ARL5B: variants seen among roughly 807,000 people sequenced by gnomAD.
ARL5B encodes the protein ARF like GTPase 5B.
In ARL5B, 10 loss-of-function variants were observed where a neutral mutation model predicts 26.9. The ratio of observed to expected loss-of-function variants is 0.37; its 90% CI spans 0.23 to 0.63. ARL5B has a LOEUF of 0.63. Ranked by LOEUF, ARL5B falls within the 30% of genes least tolerant of loss-of-function variation. The pLI, the probability that ARL5B is intolerant of heterozygous loss-of-function variation, is 0.62. For synonymous variants in ARL5B, 87 were observed against 70.4 expected, an observed-to-expected ratio of 1.24 and a Z score of -1.18; for missense variants, 167 against 213.9, an observed-to-expected ratio of 0.78 and a Z score of 1.37.
In ARL5B at chr10:18,680,064, C is replaced by T. The variant is rs553025335; in HGVS notation, c.*4848C>T. The stretch of plus-strand genomic sequence containing the variant: ...TGGAAATGGAGAAATATGAAATGTG[C>T]TGTGCATAGCTTTTGGAATAGAAAA... On this transcript the variant is annotated 3_prime_UTR_variant, in exon 6 of 6. Transcript: ENST00000377275. The T allele has an allele frequency of 7.9e-5, 12 of 151,952 alleles. No homozygotes were observed. In the South Asian group the frequency reaches 8.3e-4, roughly 11 times the overall value. The allele number at this position is 151,952 out of a possible 1,614,324, so 9.4% of individuals were successfully genotyped here. A position where few individuals can be genotyped will look rare whatever the true frequency, so the allele number is the denominator to read the frequency against.
At chr10:18,672,594 T>G in intron 3 of ARL5B, 28 bp from the exon 4 acceptor site, 1 of 1,564,198 alleles carries the variant, frequency 6.4e-7, no homozygotes, top group Non-Finnish European at 8.7e-7. Flanking sequence ...CATTCAATTT[T>G]CTGTCTTTCC....
At chr10:18,661,257 T>C (rs1382457643) in intron 1 of ARL5B, among the ~76,000 whole-genome samples, 2 of 152,232 alleles carry the variant, frequency 1.3e-5, no homozygotes, top group Non-Finnish European at 2.9e-5. Context: ...AAGTAGTTGG[T>C]TTTCCCTTTA....
intron 3 of ARL5B, among the ~76,000 whole-genome samples, chr10:18,670,606 C>T (rs1175497928): frequency 6.6e-6 from 1 of 151,758 alleles, no homozygotes; most frequent in Non-Finnish European, 1.5e-5. Flanking sequence ...GTCTCGCTCT[C>T]TCTCAAAAAA....
At chr10:18,668,750 C>T in intron 3 of ARL5B, 73 bp downstream of exon 3, 2 of 1,463,882 alleles carry the variant, frequency 1.4e-6, no homozygotes, top group South Asian at 1.3e-5. Context: ...TAGGCTGCAC[C>T]TGGGCGTATT....
Position 18,677,174 on chromosome 10 carries a change from T to A in ARL5B, c.*1958T>A, listed in dbSNP as rs1438493406. ...TCCTGAGAAAAAGCATACTTAGTAC[T>A]CCTGTATTTGTTCTTATGAAATGAC... On this transcript the variant is annotated 3_prime_UTR_variant, in exon 6 of 6. Transcript: ENST00000377275. The A allele has an allele frequency of 1.3e-5, 2 of 151,928 alleles. No individual in the cohort carries two copies. Among genetic ancestry groups the A allele is most frequent in the Admixed American group, 6.6e-5 (1 of 15,130 alleles). 9.4% of individuals were successfully genotyped at this position (151,928 alleles called of 1,614,324 possible).
chr10:18,672,902 T>C (rs976721580), intron 4 of ARL5B, among the ~76,000 whole-genome samples, 197 bp downstream of exon 4: 1 of 152,174 alleles, frequency 6.6e-6, no homozygotes, highest in East Asian at 1.9e-4. Flanking sequence ...CCTAACACAT[T>C]AATTTGTAGA....
At chr10:18,674,952 G>A (rs1448039122) in intron 5 of ARL5B, among the ~76,000 whole-genome samples, 1 of 152,052 alleles carries the variant, frequency 6.6e-6, no homozygotes, top group Non-Finnish European at 1.5e-5. Context: ...TCTTCAAGAT[G>A]AGACTGAAGC....
intron 1 of ARL5B, among the ~76,000 whole-genome samples, chr10:18,664,793 T>C (rs1213843618): frequency 6.6e-6 from 1 of 152,138 alleles, no homozygotes; most frequent in Non-Finnish European, 1.5e-5. Flanking sequence ...CCTTTCAAAA[T>C]GGTGCATTAT....
chr10:18,669,883 A>T (rs1160371144), intron 3 of ARL5B, among the ~76,000 whole-genome samples: 1 of 151,540 alleles, frequency 6.6e-6, no homozygotes, highest in African/African-American at 2.4e-5. Context: ...GTCCCCAGCT[A>T]CTCAGGAGGC....
intron 3 of ARL5B, among the ~76,000 whole-genome samples, chr10:18,670,162 A>C (rs11597737): frequency 0.22 from 32,753 of 152,116 alleles, 3,877 homozygotes; most frequent in South Asian, 0.31. Context: ...GCAACGTGTA[A>C]GTAAACAAAG....
intron 1 of ARL5B, among the ~76,000 whole-genome samples, chr10:18,661,964 C>A (rs561208164): frequency 6.6e-5 from 10 of 152,214 alleles, no homozygotes; most frequent in Admixed American, 6.5e-5. Context: ...TCACAGAGGG[C>A]CTCCAGTGTT....
In ARL5B at chr10:18,675,438, A is replaced by T; in HGVS notation, c.*222A>T. On this transcript the variant is annotated 3_prime_UTR_variant, in exon 6 of 6. Coordinates refer to ENST00000377275, the MANE Select transcript of ARL5B (RefSeq NM_178815.5). ...AGTTGGATGAATGTAATGTATAACT[A>T]TGTTTTCAGCAACAATTCTTCTGTT... The T allele has an allele frequency of 2.0e-6, 1 of 490,720 alleles. No individual in the cohort carries two copies. The highest frequency in any genetic ancestry group is 3.7e-6 in the Non-Finnish European group (1 of 272,352). The allele number at this position is 490,720 out of a possible 1,614,324, so 30.4% of individuals were successfully genotyped here. A position where few individuals can be genotyped will look rare whatever the true frequency, so the allele number is the denominator to read the frequency against.
rs1263907990 is a variant in ARL5B, at chr10:18,659,814, C to T, written c.46+131C>T. 13 of 1,505,650 alleles carry T rather than the reference C, an allele frequency of 8.6e-6. No individual in the cohort carries two copies. In the South Asian group the frequency reaches 8.8e-5, roughly 10 times the overall value. 93.3% of individuals were successfully genotyped at this position (1,505,650 alleles called of 1,614,324 possible). A position where few individuals can be genotyped will look rare whatever the true frequency, so the allele number is the denominator to read the frequency against. On this transcript the variant is annotated intron_variant, in intron 1 of 5. Coordinates refer to ENST00000377275, the MANE Select transcript of ARL5B (RefSeq NM_178815.5). ...GAAGGGACTTAGGCCAGGGGGCGGG[C>T]AGAAACTCAGTGTTTTAGACCTGGA... is the stretch of plus-strand genomic sequence containing the variant.
chr10:18,671,155 A>G lies in ARL5B; in HGVS notation c.256-1467A>G, dbSNP rs141876332. ...GCCCAACTCAGTTTATATTCAGATT[A>G]GTTGTCTGTTTCCCTAATTTTATTT... On this transcript the variant is annotated intron_variant, in intron 3 of 5. Coordinates refer to ENST00000377275, the MANE Select transcript of ARL5B (RefSeq NM_178815.5). Among the ~76,000 whole-genome samples, 345 of 152,118 alleles carry G rather than the reference A, an allele frequency of 2.3e-3. 3 individuals carry two copies. Among genetic ancestry groups the G allele is most frequent in the African/African-American group, 7.9e-3 (327 of 41,516 alleles).
chr10:18,659,823 A>C, intron 1 of ARL5B, 140 bp downstream of exon 1: 1 of 1,500,176 alleles, frequency 6.7e-7, no homozygotes, highest in Non-Finnish European at 8.9e-7. Flanking sequence ...GCAGAAACTC[A>C]GTGTTTTAGA....
chr10:18,665,358 G>A (rs541096133), intron 1 of ARL5B, among the ~76,000 whole-genome samples: 1 of 152,236 alleles, frequency 6.6e-6, no homozygotes, highest in South Asian at 2.1e-4. Context: ...ATTATAGTGA[G>A]TTATACTAAG....
chr10:18,672,566 GA>G, intron 3 of ARL5B, 55 bp from the exon 4 acceptor site: 1 of 1,343,848 alleles, frequency 7.4e-7, no homozygotes, highest in Non-Finnish European at 1.1e-6. Context: ...TAGTTTTACA[GA>G]AAACTTTTCA....
chr10:18,665,277 C>A (rs1410565555), intron 1 of ARL5B, among the ~76,000 whole-genome samples: 1 of 152,136 alleles, frequency 6.6e-6, no homozygotes, highest in African/African-American at 2.4e-5. Flanking sequence ...GAGGTCGAGG[C>A]TGCAGTGATC....
In ARL5B at chr10:18,679,666, A is replaced by G. The variant is rs1401908824; in HGVS notation, c.*4450A>G. 6.6e-6 allele frequency: 1 copy of G among 151,984 alleles called. No homozygotes were observed. The highest frequency in any genetic ancestry group is 1.5e-5 in the Non-Finnish European group (1 of 67,866). 9.4% of individuals were successfully genotyped at this position (151,984 alleles called of 1,614,324 possible). ...AGCAGAAAAAAAAATTGTGCCCCTC[A>G]GACCTAAAGGCAGCTTTAAATGTAT... On this transcript the variant is annotated 3_prime_UTR_variant, in exon 6 of 6. Coordinates refer to ENST00000377275, the MANE Select transcript of ARL5B (RefSeq NM_178815.5).
Sources: allele counts gnomAD v4.1 joint callset (sites outside exome capture counted in the v4.1 genomes callset), GRCh38; gene constraint gnomAD v4.1.1; transcripts MANE v1.5; gene names NCBI Gene and HGNC (gene_info 2026-07-23, HGNC 2026-07-21).